Variants in SMOC1 observed in about 807,000 individuals in gnomAD.
The protein encoded by SMOC1 is SPARC-related modular calcium-binding protein 1.
Under a neutral mutation model 56.3 loss-of-function variants are expected in SMOC1, and 22 were observed. The observed-to-expected ratio is 0.39, with a 90% CI of 0.28 to 0.56. The LOEUF is 0.56. Among genes scored for constraint, SMOC1 ranks in the 20% least tolerant of loss-of-function variants. SMOC1 has a pLI of 0.61. For missense variants in SMOC1, 509 were observed against 565.4 expected (o/e 0.90, Z 1.01); for synonymous variants, 193 against 215.0 (o/e 0.90, Z 0.89).
intron 11 of SMOC1, among the ~76,000 whole-genome samples, chr14:70,024,963 A>G (rs531785067): frequency 6.6e-6 from 1 of 152,334 alleles, no homozygotes; most frequent in African/African-American, 2.4e-5. Flanking sequence ...TTATGAAAAC[A>G]CAGCAGGGTA....
chr14:70,016,867 A>G (rs115576139), intron 10 of SMOC1, among the ~76,000 whole-genome samples: 1,634 of 152,168 alleles, frequency 0.011, 32 homozygotes, highest in African/African-American at 0.038. Flanking sequence ...GTACCACTCA[A>G]TCTGTAGGAG....
At chr14:69,890,564 C>T (rs1883933087) in intron 1 of SMOC1, among the ~76,000 whole-genome samples, 2 of 151,956 alleles carry the variant, frequency 1.3e-5, no homozygotes, top group Non-Finnish European at 2.9e-5. Flanking sequence ...TGAAAAATGC[C>T]CCCTAAACCT....
rs1344825721 is a variant in SMOC1, at chr14:70,001,344, T to C, written c.664+6864T>C. Among the ~76,000 whole-genome samples the C allele has an allele frequency of 3.3e-5, 5 of 152,172 alleles. No homozygotes were observed. In the East Asian group the frequency reaches 9.6e-4, roughly 29 times the overall value. On this transcript the variant is annotated intron_variant, in intron 7 of 11. Transcript: ENST00000361956. ...TGTTTGCCACTGAGGGGTCAAAGGA[T>C]GAAATACAAGGAACATTTAAGGCAG... is the stretch of plus-strand genomic sequence containing the variant.
chr14:69,990,874 A>G (rs1884542121), intron 5 of SMOC1, among the ~76,000 whole-genome samples: 1 of 152,206 alleles, frequency 6.6e-6, no homozygotes, highest in Non-Finnish European at 1.5e-5. Context: ...TGAGAATAAT[A>G]TCAGGGTCAG....
chr14:69,993,837 T>C (rs227417), intron 6 of SMOC1, among the ~76,000 whole-genome samples: 91,719 of 151,970 alleles, frequency 0.6, 28,285 homozygotes, highest in African/African-American at 0.7. Flanking sequence ...AGGATTCCCA[T>C]CTGTCCACTG....
intron 1 of SMOC1, among the ~76,000 whole-genome samples, chr14:69,915,990 G>C (rs1021548841): frequency 6.6e-6 from 1 of 152,174 alleles, no homozygotes; most frequent in Non-Finnish European, 1.5e-5. Context: ...TCTCTATGCA[G>C]ACATATCTCA....
intron 3 of SMOC1, among the ~76,000 whole-genome samples, chr14:69,955,592 A>G (rs1297341813): frequency 6.6e-6 from 1 of 152,138 alleles, no homozygotes; most frequent in Non-Finnish European, 1.5e-5. Context: ...TAAATAATAT[A>G]TAAATTTTTG....
chr14:69,983,884 G>C (rs531274794), intron 5 of SMOC1, among the ~76,000 whole-genome samples: 1 of 152,234 alleles, frequency 6.6e-6, no homozygotes, highest in East Asian at 1.9e-4. Flanking sequence ...CACAGAACTC[G>C]TGTGGTAAAG....
chr14:69,946,821 G>A (rs1313439186), intron 1 of SMOC1, among the ~76,000 whole-genome samples: 1 of 152,212 alleles, frequency 6.6e-6, no homozygotes, highest in Non-Finnish European at 1.5e-5. Flanking sequence ...TTTGGTCCTT[G>A]GGGTGCATCC....
chr14:69,901,769 C>T (rs754572023), intron 1 of SMOC1, among the ~76,000 whole-genome samples: 2 of 152,190 alleles, frequency 1.3e-5, no homozygotes, highest in Admixed American at 6.5e-5. Context: ...ACACACCACC[C>T]CGCTGGGAAA....
chr14:69,990,257 A>G (rs1280181854), intron 5 of SMOC1, among the ~76,000 whole-genome samples: 1 of 152,234 alleles, frequency 6.6e-6, no homozygotes, highest in Non-Finnish European at 1.5e-5. Flanking sequence ...CATCTGGATG[A>G]TGGGAGAAAT....
Position 69,997,580 on chromosome 14 carries a change from A to G in SMOC1, c.664+3100A>G, listed in dbSNP as rs74619112. Among the ~76,000 whole-genome samples the G allele has an allele frequency of 3.7e-3, 569 of 152,334 alleles. 5 individuals are homozygous for G. Among genetic ancestry groups the G allele is most frequent in the Middle Eastern group, 0.02 (6 of 294 alleles). On this transcript the variant is annotated intron_variant, in intron 7 of 11. Transcript: ENST00000361956. ...TTGCAGGATTTCTTTGTGAGGACTC[A>G]AGAGCATCTGTGTAATGCCTGGCAC... is the stretch of plus-strand genomic sequence containing the variant.
chr14:69,964,964 T>G (rs183231925), intron 3 of SMOC1, among the ~76,000 whole-genome samples: 14 of 152,260 alleles, frequency 9.2e-5, no homozygotes, highest in African/African-American at 3.1e-4. Flanking sequence ...TGCCATCTTT[T>G]AAAGTGATGT....
At chr14:69,996,937 G>T (rs1332557923) in intron 7 of SMOC1, among the ~76,000 whole-genome samples, 3 of 152,200 alleles carry the variant, frequency 2.0e-5, no homozygotes, top group Admixed American at 2.0e-4. Context: ...TGAAAATAAA[G>T]TTGGGTTGGA....
Position 69,958,789 on chromosome 14 carries a change from A to G in SMOC1, c.378+5257A>G, listed in dbSNP as rs112657011. Among the ~76,000 whole-genome samples, 1,016 of 152,338 alleles carry G rather than the reference A, an allele frequency of 6.7e-3. 3 individuals carry two copies. The highest frequency in any genetic ancestry group is 0.01 in the Non-Finnish European group (687 of 68,032). On this transcript the variant is annotated intron_variant, in intron 3 of 11. Coordinates refer to ENST00000361956, the MANE Select transcript of SMOC1 (RefSeq NM_001034852.3). ...TTGTAGTGGCAAAAAATTGGAAACA[A>G]CCTAAATATCCAATACTAGAAAATT...
intron 1 of SMOC1, among the ~76,000 whole-genome samples, chr14:69,886,581 A>T (rs1277180613): frequency 6.6e-6 from 1 of 152,184 alleles, no homozygotes; most frequent in Non-Finnish European, 1.5e-5. Flanking sequence ...TGCGAATTTG[A>T]ATAGGGAAAC....
chr14:69,920,675 G>C (rs544102593), intron 1 of SMOC1, among the ~76,000 whole-genome samples: 1 of 152,274 alleles, frequency 6.6e-6, no homozygotes, highest in East Asian at 1.9e-4. Context: ...GTGGGGGGGA[G>C]GCAATAAAAT....
intron 7 of SMOC1, among the ~76,000 whole-genome samples, chr14:69,996,181 CT>C (rs1177606497): frequency 6.6e-6 from 1 of 152,176 alleles, no homozygotes; most frequent in African/African-American, 2.4e-5. Flanking sequence ...CATTTGATTG[CT>C]TTGGGGAACG....
chr14:69,935,386 C>G (rs1339954542), intron 1 of SMOC1, among the ~76,000 whole-genome samples: 1 of 152,192 alleles, frequency 6.6e-6, no homozygotes, highest in Non-Finnish European at 1.5e-5. Flanking sequence ...TTATACAAGA[C>G]CAAACACTCC....
Sources: gnomAD v4.1 joint callset for allele counts (sites outside exome capture counted in the v4.1 genomes callset) on GRCh38, gnomAD v4.1.1 for gene constraint, MANE v1.5 for transcripts, NCBI Gene and HGNC (gene_info 2026-07-23, HGNC 2026-07-21) for gene names.